KIFC3: variants seen among roughly 807,000 people sequenced by gnomAD.
KIFC3 encodes kinesin-like protein KIFC3.
In KIFC3, 60 loss-of-function variants were observed where a neutral mutation model predicts 101.8. That is an observed-to-expected ratio of 0.59 (90% CI 0.48 to 0.73). The LOEUF is 0.73. Among genes scored for constraint, KIFC3 ranks in the 30% least tolerant of loss-of-function variants. The pLI is 0.00. For synonymous variants in KIFC3, 476 were observed against 482.7 expected (o/e 0.99, Z 0.18); for missense variants, 966 against 1,137.1 (o/e 0.85, Z 2.16).
intron 3 of KIFC3, among the ~76,000 whole-genome samples, chr16:57,783,394 C>T (rs896539968): frequency 4.6e-5 from 7 of 151,944 alleles, no homozygotes; most frequent in African/African-American, 1.7e-4. Context: ...TACTTACCAC[C>T]GACCACCGAA....
chr16:57,819,299 GTC>G (rs2055301000), intron 1 of KIFC3, among the ~76,000 whole-genome samples: 1 of 152,166 alleles, frequency 6.6e-6, no homozygotes, highest in Non-Finnish European at 1.5e-5. Context: ...GGGAGACCCT[GTC>G]TCTACAAAAA....
At chr16:57,831,091 A>G (rs2055572008) in intron 1 of KIFC3, among the ~76,000 whole-genome samples, 2 of 152,226 alleles carry the variant, frequency 1.3e-5, no homozygotes, top group South Asian at 4.1e-4. Flanking sequence ...GACACAACCC[A>G]AGGCAGAAAC....
At chr16:57,815,530 T>G in intron 1 of KIFC3, 1 of 1,285,194 alleles carries the variant, frequency 7.8e-7, no homozygotes, top group Non-Finnish European at 1.0e-6. Flanking sequence ...GCCTGACTCT[T>G]CTACCAGGAT....
chr16:57,759,373 A>T, intron 18 of KIFC3: 1 of 610,938 alleles, frequency 1.6e-6, no homozygotes, highest in South Asian at 2.0e-5. Context: ...GGGGCAGCTG[A>T]GGCACAGGGA....
chr16:57,781,902 C>T (rs2052779104), intron 3 of KIFC3: 2 of 983,758 alleles, frequency 2.0e-6, no homozygotes, highest in Admixed American at 6.1e-5. Context: ...CTGACCCTTG[C>T]AGAACCCTCA....
At chr16:57,793,352 G>T (rs528676258) in intron 3 of KIFC3, among the ~76,000 whole-genome samples, 1 of 151,536 alleles carries the variant, frequency 6.6e-6, no homozygotes, top group South Asian at 2.1e-4. Flanking sequence ...CAGCACTTTG[G>T]GAGGCTGGGG....
chr16:57,758,912 G>A lies in KIFC3; in HGVS notation c.*25-3C>T. Reference sequence around the variant, plus strand: ...CACAGGCAGTGGCCGCGACTTCCCTGCAGGGGCATGAGATCATCAGCCTCT... The same window carrying A: ...CACAGGCAGTGGCCGCGACTTCCCTACAGGGGCATGAGATCATCAGCCTCT... On this transcript the variant is annotated splice_polypyrimidine_tract_variant and splice_region_variant and intron_variant, in intron 19 of 19. Transcript: ENST00000445690. 6.4e-7 allele frequency: 1 copy of A among 1,573,808 alleles called. No homozygotes were observed. The highest frequency in any genetic ancestry group is 8.6e-7 in the Non-Finnish European group (1 of 1,159,788).
At chr16:57,861,352 T>A (rs1213351352) in intron 1 of KIFC3, among the ~76,000 whole-genome samples, 2 of 152,216 alleles carry the variant, frequency 1.3e-5, no homozygotes, top group Non-Finnish European at 2.9e-5. Flanking sequence ...CCCAGCAGGA[T>A]TGGCTTTACC....
chr16:57,788,044 G>C (rs1403514013), intron 3 of KIFC3, among the ~76,000 whole-genome samples: 3 of 152,254 alleles, frequency 2.0e-5, no homozygotes, highest in Non-Finnish European at 4.4e-5. Context: ...AGGGGGGCCT[G>C]TAGAATCTTC....
chr16:57,837,315 G>C (rs1567332223), intron 1 of KIFC3, among the ~76,000 whole-genome samples: 1 of 151,694 alleles, frequency 6.6e-6, no homozygotes, highest in Non-Finnish European at 1.5e-5. Flanking sequence ...TAAAAACACA[G>C]AAATTAGCCA....
intron 1 of KIFC3, among the ~76,000 whole-genome samples, chr16:57,809,135 T>A (rs545007827): frequency 3.4e-4 from 52 of 152,288 alleles, no homozygotes; most frequent in Middle Eastern, 3.4e-3. Flanking sequence ...AAATTTTTTT[T>A]AATTATTATA....
At chr16:57,808,767 A>G (rs558004765) in intron 1 of KIFC3, among the ~76,000 whole-genome samples, 1 of 152,276 alleles carries the variant, frequency 6.6e-6, no homozygotes, top group African/African-American at 2.4e-5. Flanking sequence ...CCTGGGTTTG[A>G]GCTCATTCAC....
chr16:57,847,258 GGAAGGA>G (rs2055946243), intron 1 of KIFC3, among the ~76,000 whole-genome samples: 2 of 93,310 alleles, frequency 2.1e-5, no homozygotes, highest in Admixed American at 1.2e-4. Flanking sequence ...AAGGAAGGAA[GGAAGGA>G]AGGAAGGGAA....
chr16:57,842,323 G>A (rs1388414138), intron 1 of KIFC3, among the ~76,000 whole-genome samples: 2 of 152,198 alleles, frequency 1.3e-5, no homozygotes, highest in African/African-American at 2.4e-5. Flanking sequence ...GCTGGGCCAG[G>A]GTCAGAGCCC....
rs1555623754 is a variant in KIFC3 at position 57,798,062 on chromosome 16, G to A, written c.172+10C>T. 6.3e-7 allele frequency: 1 copy of A among 1,590,532 alleles called. No individual in the cohort carries two copies. Among genetic ancestry groups the A allele is most frequent in the Admixed American group, 1.7e-5 (1 of 57,498 alleles). On this transcript the variant is annotated intron_variant, in intron 2 of 19. Transcript: ENST00000445690. ...GGAAATAAAGAGGCATTTTAAAAAT[G>A]CGGACTCACCAGTTCTCAACCTCCC... is the stretch of plus-strand genomic sequence containing the variant.
chr16:57,769,486 C>T lies in KIFC3; in HGVS notation c.1218+109G>A. On this transcript the variant is annotated intron_variant, in intron 9 of 19. Transcript: ENST00000445690. This position sits in a 1 kb window ranked among gnomAD's most constrained non-coding sequence, Gnocchi z 4.3. ...GTCATGGGGGGTGGGGCAGGGGCTG[C>T]TGTCTGAGCGGCTTTGTCTGAGCTT... The T allele has an allele frequency of 7.2e-7, 1 of 1,397,944 alleles. No individual in the cohort carries two copies. The highest frequency in any genetic ancestry group is 9.7e-7 in the Non-Finnish European group (1 of 1,033,596). The allele number at this position is 1,397,944 out of a possible 1,614,324, so 86.6% of individuals were successfully genotyped here.
intron 1 of KIFC3, among the ~76,000 whole-genome samples, chr16:57,822,160 A>G (rs1021619724): frequency 4.6e-5 from 7 of 152,216 alleles, no homozygotes; most frequent in African/African-American, 1.4e-4. Flanking sequence ...CATGTGGTTA[A>G]GAAAATGGGA....
chr16:57,802,246 C>T lies in KIFC3; in HGVS notation c.-40+124G>A, dbSNP rs1598172477. 1 of 414,928 alleles carries T rather than the reference C, an allele frequency of 2.4e-6. No individual in the cohort carries two copies. Among genetic ancestry groups the T allele is most frequent in the Admixed American group, 6.4e-5 (1 of 15,566 alleles). The allele number at this position is 414,928 out of a possible 1,614,324, so 25.7% of individuals were successfully genotyped here. A position where few individuals can be genotyped will look rare whatever the true frequency, so the allele number is the denominator to read the frequency against. On this transcript the variant is annotated intron_variant, in intron 1 of 19. Coordinates refer to ENST00000445690, the MANE Select transcript of KIFC3 (RefSeq NM_001130100.2). The surrounding 1 kb of genome is among the most constrained non-coding windows in gnomAD (Gnocchi z 5.0). ...CTCCCGGGCCTTTCCCTCCCCGCGC[C>T]CATAGCGGGTCCGGGCAGAGGGGTC... is the stretch of plus-strand genomic sequence containing the variant.
chr16:57,835,553 G>C lies in KIFC3; in HGVS notation c.108+27176C>G, dbSNP rs8043989. On this transcript the variant is annotated intron_variant, in intron 1 of 2. Coordinates refer to the KIFC3 transcript ENST00000563028. Reference sequence around the variant, plus strand: ...ATTAGGTTACAGAACAACCCAATGAGGAAAGTACTACTCTTGTCAGCCCTG... The same window carrying C: ...ATTAGGTTACAGAACAACCCAATGACGAAAGTACTACTCTTGTCAGCCCTG... Among the ~76,000 whole-genome samples the C allele has an allele frequency of 7.0e-3, 1,067 of 152,224 alleles. 11 individuals carry two copies. Among genetic ancestry groups the C allele is most frequent in the African/African-American group, 0.024 (1,017 of 41,524 alleles).
Sources: gnomAD v4.1 joint callset for allele counts (sites outside exome capture counted in the v4.1 genomes callset) on GRCh38, gnomAD v4.1.1 for gene constraint, Gnocchi (gnomAD v3.1) non-coding constraint, MANE v1.5 for transcripts, NCBI Gene and HGNC (gene_info 2026-07-23, HGNC 2026-07-21) for gene names.